PPP6R3: variants seen among roughly 807,000 people sequenced by gnomAD.
PPP6R3 encodes the protein serine/threonine-protein phosphatase 6 regulatory subunit 3.
In PPP6R3, 38 loss-of-function variants were observed where a neutral mutation model predicts 110.7. That is an observed-to-expected ratio of 0.34 (90% CI 0.26 to 0.45). PPP6R3 has a LOEUF of 0.45. PPP6R3 is among the 20% of genes least tolerant of loss of function. The pLI, the probability that PPP6R3 is intolerant of heterozygous loss-of-function variation, is 1.00. For missense variants in PPP6R3, 870 were observed against 1,062.4 expected (o/e 0.82, Z 2.52); for synonymous variants, 369 against 373.5 (o/e 0.99, Z 0.14).
chr11:68,584,173 G>A (rs970195413), intron 15 of PPP6R3, among the ~76,000 whole-genome samples: 4 of 152,200 alleles, frequency 2.6e-5, no homozygotes, highest in Admixed American at 2.6e-4. Flanking sequence ...CCGGAGGTTA[G>A]GGTCAGGAAG....
At chr11:68,591,483 G>A in intron 17 of PPP6R3, 93 bp from the exon 18 acceptor site, 1 of 1,226,596 alleles carries the variant, frequency 8.2e-7, no homozygotes, top group Non-Finnish European at 1.1e-6. Flanking sequence ...TTGTAAAGCA[G>A]TGAAAAAATG....
intron 1 of PPP6R3, among the ~76,000 whole-genome samples, chr11:68,463,829 C>CTGG (rs2098726056): frequency 3.9e-5 from 6 of 152,188 alleles, no homozygotes; most frequent in Non-Finnish European, 7.4e-5. Flanking sequence ...CCCTCACCCC[C>CTGG]CAGGAAACAT....
chr11:68,476,482 G>GAGGGCTATTT (rs2098833703), intron 1 of PPP6R3, among the ~76,000 whole-genome samples: 1 of 133,380 alleles, frequency 7.5e-6, no homozygotes, highest in Non-Finnish European at 1.6e-5. Flanking sequence ...GGGGGAGGGG[G>GAGGGCTATTT]AGGGCTATTT....
chr11:68,604,977 G>A (rs1197174214), intron 22 of PPP6R3, among the ~76,000 whole-genome samples: 2 of 152,128 alleles, frequency 1.3e-5, no homozygotes, highest in Non-Finnish European at 2.9e-5. Context: ...TAAGACCAAA[G>A]AGAGCCAGGA....
At chr11:68,477,031 T>TA (rs1197052533) in intron 1 of PPP6R3, among the ~76,000 whole-genome samples, 2,066 of 143,486 alleles carry the variant, frequency 0.014, 39 homozygotes, top group African/African-American at 0.041. Flanking sequence ...CCTGTTTCTT[T>TA]AAAAAAAAAA....
At position 68,571,292 on chromosome 11, in the gene PPP6R3, T is replaced by G. The variant is rs983885385; in HGVS notation, c.1343+188T>G. On this transcript the variant is annotated intron_variant, in intron 12 of 23. Coordinates refer to ENST00000393800, the MANE Select transcript of PPP6R3 (RefSeq NM_001164161.2). ...ATAATACTAATAATTTCTTGTTAGG[T>G]CCTCTTGTTTTTGGGGCAAAACAAG... is the stretch of plus-strand genomic sequence containing the variant. 3.5e-6 allele frequency: 3 copies of G among 854,940 alleles called. No individual in the cohort carries two copies. In the African/African-American group the frequency reaches 5.3e-5, roughly 15 times the overall value. The allele number at this position is 854,940 out of a possible 1,614,324, so 53.0% of individuals were successfully genotyped here.
chr11:68,551,830 C>A (rs533476963), intron 6 of PPP6R3, among the ~76,000 whole-genome samples: 5 of 152,170 alleles, frequency 3.3e-5, no homozygotes, highest in Admixed American at 1.3e-4. Flanking sequence ...GATGTGGCCA[C>A]ATTTGCATTT....
At chr11:68,471,363 C>T (rs975806599) in intron 1 of PPP6R3, among the ~76,000 whole-genome samples, 2 of 151,686 alleles carry the variant, frequency 1.3e-5, no homozygotes, top group Non-Finnish European at 2.9e-5. Context: ...TTGAGTGAGG[C>T]ACTGAAGGAA....
intron 1 of PPP6R3, among the ~76,000 whole-genome samples, chr11:68,511,871 C>T (rs1418266439): frequency 6.6e-6 from 1 of 151,828 alleles, no homozygotes; most frequent in Non-Finnish European, 1.5e-5. Flanking sequence ...TCAGATCTTC[C>T]CTCATCTTTA....
At chr11:68,504,586 CCT>C (rs1313039752) in intron 1 of PPP6R3, among the ~76,000 whole-genome samples, 9 of 152,300 alleles carry the variant, frequency 5.9e-5, no homozygotes, top group Admixed American at 4.6e-4. Flanking sequence ...AAGTGTACCC[CCT>C]GTCAAGAGAG....
intron 4 of PPP6R3, among the ~76,000 whole-genome samples, chr11:68,546,301 G>A (rs1411620542): frequency 1.3e-5 from 2 of 152,282 alleles, no homozygotes; most frequent in Admixed American, 1.3e-4. Flanking sequence ...GATATTACCA[G>A]GCAGTTCTCA....
At chr11:68,542,736 A>G (rs1044193082) in intron 3 of PPP6R3, among the ~76,000 whole-genome samples, 2 of 152,190 alleles carry the variant, frequency 1.3e-5, no homozygotes, top group South Asian at 2.1e-4. Flanking sequence ...GAAGGAGAGT[A>G]GCCCCAGCCT....
chr11:68,558,733 T>A, intron 8 of PPP6R3, 54 bp downstream of exon 8: 1 of 1,388,472 alleles, frequency 7.2e-7, no homozygotes, highest in Non-Finnish European at 1.0e-6. Flanking sequence ...CTTTCAGATT[T>A]AAGAGTTAAA....
At chr11:68,581,216 T>G (rs532971856) in intron 14 of PPP6R3, among the ~76,000 whole-genome samples, 15 of 152,360 alleles carry the variant, frequency 9.8e-5, no homozygotes, top group Admixed American at 7.2e-4. Context: ...TAGTTTCATT[T>G]TGGAGAAAGC....
intron 22 of PPP6R3, 78 bp from the exon 23 acceptor site, chr11:68,609,826 T>A: frequency 6.2e-7 from 1 of 1,601,148 alleles, no homozygotes; most frequent in Non-Finnish European, 8.5e-7. Context: ...CAGAGCCATC[T>A]GCATGTGACC....
intron 14 of PPP6R3, among the ~76,000 whole-genome samples, chr11:68,582,461 G>A (rs774316205): frequency 6.6e-6 from 1 of 152,222 alleles, no homozygotes; most frequent in Non-Finnish European, 1.5e-5. Flanking sequence ...TGGGGGCAGG[G>A]TGCACATTTT....
chr11:68,570,929 T>C lies in PPP6R3; in HGVS notation c.1279-111T>C, dbSNP rs74975466. The C allele has an allele frequency of 2.8e-3, 3,712 of 1,341,102 alleles. 93 individuals carry two copies. The African/African-American group carries it at 0.048, about 17-fold the overall frequency. The allele number at this position is 1,341,102 out of a possible 1,614,324, so 83.1% of individuals were successfully genotyped here. A position where few individuals can be genotyped will look rare whatever the true frequency, so the allele number is the denominator to read the frequency against. On this transcript the variant is annotated intron_variant, in intron 11 of 23. Coordinates refer to ENST00000393800, the MANE Select transcript of PPP6R3 (RefSeq NM_001164161.2). ...ACATTGCATTTGGCTTAGTAACATT[T>C]AGCTTGCTAGATTATGCATACTACT...
chr11:68,605,322 C>T (rs1938989945), intron 22 of PPP6R3, among the ~76,000 whole-genome samples: 3 of 152,070 alleles, frequency 2.0e-5, no homozygotes, highest in East Asian at 1.9e-4. Context: ...CAAACAAAAG[C>T]GAAAACAAAA....
chr11:68,484,274 T>C (rs1316142050), intron 1 of PPP6R3, among the ~76,000 whole-genome samples: 1 of 152,208 alleles, frequency 6.6e-6, no homozygotes, highest in Non-Finnish European at 1.5e-5. Flanking sequence ...AGAGTATGTT[T>C]GCTGTTTGGA....
Sources: gnomAD v4.1 joint callset for allele counts (sites outside exome capture counted in the v4.1 genomes callset) on GRCh38, gnomAD v4.1.1 for gene constraint, MANE v1.5 for transcripts, NCBI Gene and HGNC (gene_info 2026-07-23, HGNC 2026-07-21) for gene names.